Variants in UXS1 observed in about 807,000 individuals in gnomAD.
The protein encoded by UXS1 is UDP-glucuronate decarboxylase 1, also known as UDP-glucuronic acid decarboxylase 1.
UXS1 carries 33 observed loss-of-function variants against 62.6 expected under a neutral mutation model. The observed-to-expected ratio is 0.53, with a 90% confidence interval of 0.40 to 0.70. The LOEUF is 0.70. Among genes scored for constraint, UXS1 ranks in the 30% least tolerant of loss-of-function variants. The probability of loss-of-function intolerance (pLI) is 0.00; values close to 1 mark genes in which losing one functional copy is unlikely to be tolerated. For synonymous variants in UXS1, 213 were observed against 206.8 expected (o/e 1.03, Z -0.26); for missense variants, 434 against 556.3 (o/e 0.78, Z 2.21).
At chr2:106,137,189 T>G (rs926134325) in intron 6 of UXS1, among the ~76,000 whole-genome samples, 3 of 152,202 alleles carry the variant, frequency 2.0e-5, no homozygotes, top group Non-Finnish European at 4.4e-5. Flanking sequence ...CAAGTTATTC[T>G]GAGCTGAAAA....
At chr2:106,153,078 T>C (rs778675541) in intron 5 of UXS1, among the ~76,000 whole-genome samples, 4 of 152,112 alleles carry the variant, frequency 2.6e-5, no homozygotes, top group African/African-American at 7.2e-5. Context: ...GAGATGCAGA[T>C]GGTAAGCAAT....
chr2:106,178,509 C>T (rs1205293241), intron 1 of UXS1, among the ~76,000 whole-genome samples: 1 of 87,372 alleles, frequency 1.1e-5, no homozygotes, highest in Non-Finnish European at 2.3e-5. Context: ...TGTATGTATA[C>T]ATATACAAGT....
At chr2:106,164,198 A>G (rs1683071123) in intron 3 of UXS1, among the ~76,000 whole-genome samples, 1 of 152,212 alleles carries the variant, frequency 6.6e-6, no homozygotes, top group South Asian at 2.1e-4. Flanking sequence ...AGGGCTTCCC[A>G]GGACTCCCTA....
chr2:106,139,461 C>A (rs1680924423), intron 6 of UXS1, among the ~76,000 whole-genome samples: 1 of 152,178 alleles, frequency 6.6e-6, no homozygotes, highest in African/African-American at 2.4e-5. Flanking sequence ...AGTCAAACCA[C>A]AAATGAACTC....
rs970115733 is a variant in UXS1 at position 106,094,151 on chromosome 2, G to A, written c.1153C>T (p.Leu385=). Residue 385 remains leucine (L), a synonymous_variant, in exon 15 of 15, where the codon CTG becomes TTG. Transcript: ENST00000283148. ...ATTGCTTTGTTTAAACCTTCCTCCA[G>A]CGGGACCTGTTTAAAGGGAAAGCAA... ...LMLGWEPVVP[L]EEGLNKAIHY... 2 of 1,609,608 alleles carry A rather than the reference G, an allele frequency of 1.2e-6. No homozygotes were observed. The highest frequency in any genetic ancestry group is 1.7e-6 in the Non-Finnish European group (2 of 1,179,190).
intron 6 of UXS1, among the ~76,000 whole-genome samples, chr2:106,142,530 A>G (rs779034047): frequency 1.3e-5 from 2 of 152,184 alleles, no homozygotes; most frequent in Non-Finnish European, 2.9e-5. Context: ...AGGACACTTT[A>G]TAGCACTCTA....
chr2:106,100,860 G>A (rs1677532594), intron 12 of UXS1, 198 bp downstream of exon 12: 11 of 649,768 alleles, frequency 1.7e-5, no homozygotes, highest in South Asian at 5.8e-5. Flanking sequence ...TCACTCACCC[G>A]TGCCTTGCAG....
In UXS1 at chr2:106,146,736, T is replaced by C. The variant is rs373491698; in HGVS notation, c.292-1366A>G. Reference sequence around the variant, plus strand: ...CGGAAGTTGCAGTGGATCGTACCACTGCACTCCAGCCTGGGTGACAGAGAA... The same window carrying C: ...CGGAAGTTGCAGTGGATCGTACCACCGCACTCCAGCCTGGGTGACAGAGAA... On this transcript the variant is annotated intron_variant, in intron 5 of 14. Coordinates refer to ENST00000283148, the MANE Select transcript of UXS1 (RefSeq NM_001253875.2). Among the ~76,000 whole-genome samples, 51 of 126,082 alleles carry C rather than the reference T, an allele frequency of 4.0e-4. No homozygotes were observed. In the South Asian group the frequency reaches 0.01, roughly 25 times the overall value. The allele number at this position is 126,082 out of a possible 152,430, so 82.7% of individuals were successfully genotyped here.
intron 6 of UXS1, among the ~76,000 whole-genome samples, chr2:106,136,290 AG>A (rs1161514365): frequency 4.4e-5 from 6 of 135,264 alleles, no homozygotes; most frequent in African/African-American, 1.7e-4. Flanking sequence ...GTGGAGAAAT[AG>A]GAACACTTTT....
chr2:106,159,951 G>GA (rs1457051417), intron 4 of UXS1: 2 of 152,170 alleles, frequency 1.3e-5, no homozygotes, highest in Admixed American at 1.3e-4. Flanking sequence ...AATCAGATGG[G>GA]AGAGTCTGAG....
At chr2:106,168,038 G>A (rs1043744937) in intron 1 of UXS1, among the ~76,000 whole-genome samples, 3 of 152,160 alleles carry the variant, frequency 2.0e-5, no homozygotes, top group Admixed American at 1.3e-4. Context: ...GCGCATGCCT[G>A]TAATCCCAGC....
chr2:106,155,809 G>A (rs970544283), intron 5 of UXS1, among the ~76,000 whole-genome samples: 1 of 152,140 alleles, frequency 6.6e-6, no homozygotes, highest in Admixed American at 6.5e-5. Context: ...AAAATTCAAT[G>A]GGCAATGAAT....
At chr2:106,136,820 C>A (rs1469375480) in intron 6 of UXS1, among the ~76,000 whole-genome samples, 1 of 98,456 alleles carries the variant, frequency 1.0e-5, no homozygotes. Flanking sequence ...CTAGATGACA[C>A]GTTAGTGGGT....
rs542524801 is a variant in UXS1, at chr2:106,168,613, T to A, written c.95-2530A>T. ...CTTATACCTTTGAACCATGTGATTT[T>A]GCTTTTATCTTACTCTCAGGAAATC... On this transcript the variant is annotated intron_variant, in intron 1 of 14. Coordinates refer to ENST00000283148, the MANE Select transcript of UXS1 (RefSeq NM_001253875.2). Among the ~76,000 whole-genome samples, 4 of 152,336 alleles carry A rather than the reference T, an allele frequency of 2.6e-5. No individual in the cohort carries two copies. In the East Asian group the frequency reaches 7.7e-4, roughly 29 times the overall value.
intron 1 of UXS1, among the ~76,000 whole-genome samples, chr2:106,193,296 G>A (rs530692417): frequency 6.6e-6 from 1 of 152,172 alleles, no homozygotes; most frequent in African/African-American, 2.4e-5. Context: ...CACACTGGGA[G>A]CTATTTCTAG....
At chr2:106,158,189 C>G (rs537644391) in intron 4 of UXS1, 71 bp from the exon 5 acceptor site, 93 of 1,331,230 alleles carry the variant, frequency 7.0e-5, no homozygotes, top group Non-Finnish European at 8.8e-5. Context: ...TGTCTACCAT[C>G]AAAGCATGTG....
chr2:106,169,826 G>A (rs1438541054), intron 1 of UXS1, among the ~76,000 whole-genome samples: 2 of 151,968 alleles, frequency 1.3e-5, no homozygotes, highest in Admixed American at 6.6e-5. Context: ...CTTTCCCCTT[G>A]CCCACTGCTT....
intron 10 of UXS1, among the ~76,000 whole-genome samples, chr2:106,109,417 G>A (rs956443244): frequency 6.6e-6 from 1 of 152,102 alleles, no homozygotes; most frequent in Non-Finnish European, 1.5e-5. Context: ...TTTCCCTTTG[G>A]AAGAATAGCA....
At chr2:106,128,577 T>C (rs1021931560) in intron 7 of UXS1, among the ~76,000 whole-genome samples, 14 of 152,196 alleles carry the variant, frequency 9.2e-5, no homozygotes, top group African/African-American at 3.1e-4. Context: ...AGAACATCGA[T>C]CTGCCCTCGG....
Sources: allele counts gnomAD v4.1 joint callset (sites outside exome capture counted in the v4.1 genomes callset), GRCh38; gene constraint gnomAD v4.1.1; transcripts MANE v1.5; gene names NCBI Gene and HGNC (gene_info 2026-07-23, HGNC 2026-07-21).